SYNPO2: variants seen among roughly 807,000 people sequenced by gnomAD.
SYNPO2 encodes synaptopodin 2, also known as synaptopodin-2.
Under a neutral mutation model 85.0 loss-of-function variants are expected in SYNPO2, and 56 were observed. That is an observed-to-expected ratio of 0.66 (90% confidence interval 0.53 to 0.82). The LOEUF is 0.82. Among genes scored for constraint, SYNPO2 ranks in the 40% least tolerant of loss-of-function variants. The pLI is 0.00. For synonymous variants in SYNPO2, 602 were observed against 591.1 expected (o/e 1.02, Z -0.27); for missense variants, 1,575 against 1,534.2 (o/e 1.03, Z -0.44).
chr4:119,007,034 C>G lies in SYNPO2; in HGVS notation c.106-16396C>G, dbSNP rs549633725. ...TAAGGGTTATGGACATCACATTAGG[C>G]AATGTACTTGGCTCTTTGTACCAGG... On this transcript the variant is annotated intron_variant, in intron 1 of 4. Transcript: ENST00000307142. 2.0e-5 allele frequency among the ~76,000 whole-genome samples: 3 copies of G among 150,712 alleles called. No individual in the cohort carries two copies. The South Asian group carries it at 6.3e-4, about 32-fold the overall frequency.
At chr4:118,877,429 C>A (rs1254870444) in intron 1 of SYNPO2, among the ~76,000 whole-genome samples, 1 of 152,144 alleles carries the variant, frequency 6.6e-6, no homozygotes. Flanking sequence ...AGACAACCTA[C>A]AGAATGGGAG....
chr4:118,920,159 G>A (rs112737099), intron 1 of SYNPO2, among the ~76,000 whole-genome samples: 1 of 152,284 alleles, frequency 6.6e-6, no homozygotes, highest in Non-Finnish European at 1.5e-5. Context: ...CAATGAAGGA[G>A]AAAGAGGAAT....
chr4:118,981,404 C>G (rs1426343500), intron 1 of SYNPO2, among the ~76,000 whole-genome samples: 1 of 152,120 alleles, frequency 6.6e-6, no homozygotes, highest in East Asian at 1.9e-4. Flanking sequence ...AGAGCAGACC[C>G]CCCACAGAGC....
chr4:118,936,876 T>C (rs564068902), intron 1 of SYNPO2, among the ~76,000 whole-genome samples: 5 of 152,304 alleles, frequency 3.3e-5, no homozygotes, highest in African/African-American at 1.2e-4. Context: ...AAGGAAAGCC[T>C]GTAATGAGGT....
chr4:118,857,897 T>C (rs1397462528), intron 1 of SYNPO2, among the ~76,000 whole-genome samples: 1 of 152,234 alleles, frequency 6.6e-6, no homozygotes, highest in Admixed American at 6.5e-5. Flanking sequence ...GTAAAAATAG[T>C]ACACAGTGAG....
At chr4:119,008,992 G>A (rs1280782647) in intron 1 of SYNPO2, among the ~76,000 whole-genome samples, 1 of 152,124 alleles carries the variant, frequency 6.6e-6, no homozygotes, top group African/African-American at 2.4e-5. Context: ...GGTTTCAAAT[G>A]AAAATCAGGA....
chr4:118,973,925 T>G (rs10518314), intron 1 of SYNPO2, among the ~76,000 whole-genome samples: 2,962 of 152,274 alleles, frequency 0.019, 93 homozygotes, highest in African/African-American at 0.068. Flanking sequence ...ACAAGTAAAT[T>G]CTTCATTGAC....
intron 1 of SYNPO2, among the ~76,000 whole-genome samples, chr4:119,014,506 A>G (rs114508071): frequency 0.029 from 4,379 of 152,326 alleles, 98 homozygotes; most frequent in Non-Finnish European, 0.042. Context: ...ACGGTTTTTC[A>G]TAAAAAAGTA....
intron 1 of SYNPO2, among the ~76,000 whole-genome samples, chr4:119,011,869 T>C (rs1737314588): frequency 6.6e-6 from 1 of 151,820 alleles, no homozygotes; most frequent in Non-Finnish European, 1.5e-5. Flanking sequence ...GTAAGCTTGA[T>C]ATAGTAGCTT....
Position 118,880,371 on chromosome 4 carries a change from T to C in SYNPO2, c.12+29431T>C, listed in dbSNP as rs1297786464. 4.7e-4 allele frequency among the ~76,000 whole-genome samples: 71 copies of C among 152,130 alleles called. 1 individual carries two copies. Reference sequence around the variant, plus strand: ...ATCTCCAGTACCTCAAAGCTCCAGATTTTAACACTGATTTTGGGGGGTATA... The same window carrying C: ...ATCTCCAGTACCTCAAAGCTCCAGACTTTAACACTGATTTTGGGGGGTATA... On this transcript the variant is annotated intron_variant, in intron 1 of 4. Transcript: ENST00000610556.
intron 1 of SYNPO2, among the ~76,000 whole-genome samples, chr4:118,972,993 A>G (rs1222899843): frequency 2.0e-5 from 3 of 152,150 alleles, no homozygotes; most frequent in Admixed American, 1.3e-4. Flanking sequence ...TTATAACTCA[A>G]CTTATGATGT....
Position 119,030,923 on chromosome 4 carries a change from T to C in SYNPO2, c.2148T>C (p.Asn716=). Reference sequence around the variant, plus strand: ...CTGAACTCTTGTCACTCCTTCAAAATTCAGAAGGCAAACGGGGCACTGGAG... The same window carrying C: ...CTGAACTCTTGTCACTCCTTCAAAACTCAGAAGGCAAACGGGGCACTGGAG... The part of the protein sequence containing the change: ...PNPELLSLLQ[N]SEGKRGTGAG... The change falls in exon 4 of 5, where the codon AAT becomes AAC. Residue 716 remains asparagine, a synonymous_variant. Transcript: ENST00000307142. 1 of 1,614,102 alleles carries C rather than the reference T, an allele frequency of 6.2e-7. No individual in the cohort carries two copies. Among genetic ancestry groups the C allele is most frequent in the Non-Finnish European group, 8.5e-7 (1 of 1,180,030 alleles).
At chr4:119,034,250 A>G (rs1738406291) in intron 4 of SYNPO2, 1 of 985,348 alleles carries the variant, frequency 1.0e-6, no homozygotes, top group South Asian at 4.7e-5. Context: ...TTAACATAGC[A>G]TTTAAAGAGC....
At chr4:118,863,189 G>C (rs1169284766) in intron 1 of SYNPO2, among the ~76,000 whole-genome samples, 2 of 152,188 alleles carry the variant, frequency 1.3e-5, no homozygotes, top group Non-Finnish European at 2.9e-5. Context: ...GATTGTGGAA[G>C]TACTCCCTTC....
chr4:118,865,257 T>TAGGA (rs1327477152), intron 1 of SYNPO2, among the ~76,000 whole-genome samples: 1 of 152,196 alleles, frequency 6.6e-6, no homozygotes, highest in Non-Finnish European at 1.5e-5. Context: ...TGGAAGCAGG[T>TAGGA]AGGAGCAAGT....
At chr4:119,004,689 A>G (rs13112223) in intron 1 of SYNPO2, among the ~76,000 whole-genome samples, 69,157 of 128,008 alleles carry the variant, frequency 0.54, 18,890 homozygotes, top group East Asian at 0.58. Flanking sequence ...ATAAACATAC[A>G]TGTGCATGTG....
chr4:118,890,733 C>CTCTCTCTCTCTCTCTCTCTCTG (rs749295331), intron 1 of SYNPO2, among the ~76,000 whole-genome samples: 57 of 126,206 alleles, frequency 4.5e-4, no homozygotes, highest in African/African-American at 1.1e-3. Flanking sequence ...CTCTCTCTCT[C>CTCTCTCTCTCTCTCTCTCTCTG]TGTGTGTGTG....
chr4:119,032,320 G>A, intron 4 of SYNPO2: 1 of 1,309,780 alleles, frequency 7.6e-7, no homozygotes, highest in South Asian at 1.8e-5. Flanking sequence ...AAGTAAGCAG[G>A]AGACTTAGGA....
At chr4:118,883,634 A>G (rs1003870751) in intron 1 of SYNPO2, among the ~76,000 whole-genome samples, 2 of 152,222 alleles carry the variant, frequency 1.3e-5, no homozygotes, top group African/African-American at 4.8e-5. Flanking sequence ...GATTTAACAT[A>G]GAATTAGAGT....
Sources: allele counts gnomAD v4.1 joint callset (sites outside exome capture counted in the v4.1 genomes callset), GRCh38; gene constraint gnomAD v4.1.1; transcripts MANE v1.5; gene names NCBI Gene and HGNC (gene_info 2026-07-23, HGNC 2026-07-21).